Variants in CKAP5 observed in about 807,000 individuals in gnomAD.
CKAP5 encodes the protein cytoskeleton associated protein 5.
CKAP5 carries 27 observed loss-of-function variants against 232.8 expected under a neutral mutation model. The observed-to-expected ratio is 0.12, with a 90% CI of 0.09 to 0.16. The LOEUF (loss-of-function observed/expected upper bound fraction) is 0.16. Ranked by LOEUF, CKAP5 falls within the 10% of genes least tolerant of loss-of-function variation. The pLI, the probability that CKAP5 is intolerant of heterozygous loss-of-function variation, is 1.00. For synonymous variants in CKAP5, 785 were observed against 841.1 expected, an observed-to-expected ratio of 0.93 and a Z score of 1.16; for missense variants, 1,838 against 2,424.7, an observed-to-expected ratio of 0.76 and a Z score of 5.08.
intron 42 of CKAP5, among the ~76,000 whole-genome samples, chr11:46,745,255 A>G (rs1182174475): frequency 2.0e-5 from 3 of 152,218 alleles, no homozygotes; most frequent in Non-Finnish European, 2.9e-5. Context: ...ACAGGCCCCA[A>G]AGGTAAGGTA....
rs117334959 is a variant in CKAP5, at chr11:46,746,323, A to G, written c.5705-1746T>C. Among the ~76,000 whole-genome samples, 103 of 152,314 alleles carry G rather than the reference A, an allele frequency of 6.8e-4. 1 individual carries two copies. The East Asian group carries it at 0.018, about 27-fold the overall frequency. On this transcript the variant is annotated intron_variant, in intron 42 of 43. Transcript: ENST00000529230. ...TTGTCTCTAGATCCTGTGAGCAGTA[A>G]TTCTCGAATAGGGACTTTTTCACTG...
chr11:46,820,621 A>G (rs1441396651), intron 2 of CKAP5: 2 of 152,182 alleles, frequency 1.3e-5, no homozygotes, highest in Admixed American at 1.3e-4. Flanking sequence ...ATTAAAAATG[A>G]AAGAAACTAG....
intron 4 of CKAP5, among the ~76,000 whole-genome samples, chr11:46,813,489 A>G (rs1939321887): frequency 6.6e-6 from 1 of 152,168 alleles, no homozygotes; most frequent in Non-Finnish European, 1.5e-5. Context: ...TAAACGTATT[A>G]CTATAGAAAA....
rs553442519 is a variant in CKAP5, at chr11:46,762,556, ATCTATAAACTATTTCT to A, written c.4027+55_4027+70del. ...AGGCACTGGAGAAATTTATTTGTTCATCTATAAACTATTTCTTCTATAGGCTACTGCTGCAGAGATT... is the reference window on the plus strand; with the variant it reads ...AGGCACTGGAGAAATTTATTTGTTCATCTATAGGCTACTGCTGCAGAGATT... On this transcript the variant is annotated intron_variant, in intron 31 of 43. Transcript: ENST00000529230. 5 of 1,559,562 alleles carry A rather than the reference ATCTATAAACTATTTCT, an allele frequency of 3.2e-6. No individual in the cohort carries two copies. The East Asian group carries it at 1.1e-4, about 35-fold the overall frequency.
At chr11:46,807,564 A>G (rs1939185470) in intron 8 of CKAP5, among the ~76,000 whole-genome samples, 1 of 152,196 alleles carries the variant, frequency 6.6e-6, no homozygotes, top group Admixed American at 6.5e-5. Context: ...GCAATACCAA[A>G]AGATTATTTC....
At chr11:46,825,349 T>C (rs1260604583) in intron 1 of CKAP5, among the ~76,000 whole-genome samples, 6 of 152,208 alleles carry the variant, frequency 3.9e-5, no homozygotes, top group Non-Finnish European at 8.8e-5. Context: ...TGAGTAATAC[T>C]AGAGCTGGGC....
intron 8 of CKAP5, among the ~76,000 whole-genome samples, chr11:46,802,561 C>CACACACAT (rs1939057505): frequency 1.0e-4 from 9 of 87,638 alleles, no homozygotes; most frequent in Admixed American, 6.7e-4. Context: ...CAGACAGACA[C>CACACACAT]ACACACACAC....
At chr11:46,799,722 G>T (rs1938982723) in intron 9 of CKAP5, among the ~76,000 whole-genome samples, 1 of 152,204 alleles carries the variant, frequency 6.6e-6, no homozygotes, top group South Asian at 2.1e-4. Context: ...TTTTAGGCCG[G>T]GTGTGGTGGC....
chr11:46,786,810 C>T (rs926130229), intron 16 of CKAP5, among the ~76,000 whole-genome samples: 2 of 152,056 alleles, frequency 1.3e-5, no homozygotes, highest in African/African-American at 4.8e-5. Context: ...CATGACCCAG[C>T]GCGCACACAC....
chr11:46,810,154 T>C (rs577396503), intron 5 of CKAP5, among the ~76,000 whole-genome samples: 34 of 152,230 alleles, frequency 2.2e-4, no homozygotes, highest in Non-Finnish European at 4.1e-4. Flanking sequence ...GTATTTTTAA[T>C]AGAGATGAGG....
chr11:46,805,135 T>A (rs1245992492), intron 8 of CKAP5, among the ~76,000 whole-genome samples: 2 of 151,916 alleles, frequency 1.3e-5, no homozygotes, highest in African/African-American at 4.8e-5. Context: ...CTCAGGCGGC[T>A]GAGGCAGGAG....
chr11:46,748,638 AG>A (rs2134564734), intron 42 of CKAP5, among the ~76,000 whole-genome samples: 1 of 151,998 alleles, frequency 6.6e-6, no homozygotes. Context: ...CCATGGTAGC[AG>A]GCATCTGTAA....
At chr11:46,820,004 A>G (rs1047526740) in intron 2 of CKAP5, among the ~76,000 whole-genome samples, 1 of 152,142 alleles carries the variant, frequency 6.6e-6, no homozygotes, top group Non-Finnish European at 1.5e-5. Context: ...AAAAAATGGG[A>G]AAAATAAAGT....
intron 24 of CKAP5, among the ~76,000 whole-genome samples, chr11:46,773,121 C>T (rs1307408840): frequency 6.6e-6 from 1 of 152,180 alleles, no homozygotes; most frequent in Non-Finnish European, 1.5e-5. Context: ...TCTTTCATTA[C>T]TGACTTGCTA....
At chr11:46,842,856 A>G (rs1003736634) in intron 1 of CKAP5, among the ~76,000 whole-genome samples, 1 of 150,448 alleles carries the variant, frequency 6.6e-6, no homozygotes, top group Non-Finnish European at 1.5e-5. Flanking sequence ...AGTCCCAGCT[A>G]CTTGGGAGGC....
At position 46,809,457 on chromosome 11, in the gene CKAP5, C is replaced by T; in HGVS notation, c.807G>A (p.Glu269=). The part of the protein sequence containing the change: ...GDEVPQIDAY[E]LLEAVEILSK... Reference sequence around the variant, plus strand: ...AAAGGATTTCTACAGCTTCTAAAAGCTCATAAGCATCTATTTGTGGCACCT... The same window carrying T: ...AAAGGATTTCTACAGCTTCTAAAAGTTCATAAGCATCTATTTGTGGCACCT... The change falls in exon 7 of 44, where the codon GAG becomes GAA. Residue 269 remains glutamate, a synonymous_variant. Transcript: ENST00000529230. The T allele has an allele frequency of 6.2e-7, 1 of 1,613,736 alleles. No individual in the cohort carries two copies. Among genetic ancestry groups the T allele is most frequent in the Non-Finnish European group, 8.5e-7 (1 of 1,179,808 alleles).
In CKAP5 at chr11:46,818,493, G is replaced by T; in HGVS notation, c.68C>A (p.Ala23Glu). The T allele has an allele frequency of 6.4e-7, 1 of 1,556,200 alleles. No homozygotes were observed. The highest frequency in any genetic ancestry group is 1.4e-5 in the African/African-American group (1 of 71,388). The change falls in exon 3 of 44, where the codon GCA becomes GAA. Residue 23 changes from alanine (A) to glutamate (E), a missense_variant. Physicochemically the swap from Ala to Glu is moderately radical, Grantham distance 107. This residue lies in a region of CKAP5 where 285 missense variants were observed against 300.0 expected (regional missense o/e 0.95). Transcript: ENST00000529230. ...DQKCEHKLWKARLSGYEEALK... is the reference protein window; with the variant it reads ...DQKCEHKLWKERLSGYEEALK... Reference sequence around the variant, plus strand: ...GGCCTCTTCATACCCACTTAACCTTGCTTTCCACAGCTAAAAGAAAAGTAG... The same window carrying T: ...GGCCTCTTCATACCCACTTAACCTTTCTTTCCACAGCTAAAAGAAAAGTAG...
At position 46,809,834 on chromosome 11, in the gene CKAP5, C is replaced by T; in HGVS notation, c.671G>A (p.Ser224Asn). 1 of 1,613,028 alleles carries T rather than the reference C, an allele frequency of 6.2e-7. No homozygotes were observed. Among genetic ancestry groups the T allele is most frequent in the Non-Finnish European group, 8.5e-7 (1 of 1,179,724 alleles). Residue 224 changes from serine to asparagine, a missense_variant, in exon 6 of 44, where the codon AGT becomes AAT. Ser to Asn is a conservative substitution (Grantham distance 46, BLOSUM62 1). Transcript: ENST00000529230. The stretch of plus-strand genomic sequence containing the variant: ...AAGAAATCGAGTAGGTCTAGGAGCA[C>T]TTGTTGGCAGTTTGACCCATTCTTC... ...LEEEWVKLPT[S>N]APRPTRFLRS...
At chr11:46,780,047 A>G in intron 20 of CKAP5, 147 bp downstream of exon 20, 1 of 808,488 alleles carries the variant, frequency 1.2e-6, no homozygotes, top group Non-Finnish European at 2.0e-6. Flanking sequence ...AGCACACTAC[A>G]GCCCAAAACA....
Sources: gnomAD v4.1 joint callset for allele counts (sites outside exome capture counted in the v4.1 genomes callset) on GRCh38, gnomAD v4.1.1 for gene constraint, gnomAD v4.1.1 regional missense constraint, MANE v1.5 for transcripts, NCBI Gene and HGNC (gene_info 2026-07-23, HGNC 2026-07-21) for gene names.